Variants in PPM1L observed in about 807,000 individuals in gnomAD.
PPM1L encodes the protein protein phosphatase, Mg2+/Mn2+ dependent 1L.
A neutral mutation model predicts 31.4 loss-of-function variants in PPM1L; 13 were observed. The ratio of observed to expected loss-of-function variants is 0.41; its 90% CI spans 0.27 to 0.66. The LOEUF (loss-of-function observed/expected upper bound fraction) is 0.66. Ranked by LOEUF, PPM1L falls within the 30% of genes least tolerant of loss-of-function variation. The pLI is 0.29. For synonymous variants in PPM1L, 184 were observed against 175.4 expected (o/e 1.05, Z -0.39); for missense variants, 326 against 453.7 (o/e 0.72, Z 2.56).
chr3:161,020,155 T>A (rs1405114483), intron 2 of PPM1L, among the ~76,000 whole-genome samples: 1 of 150,798 alleles, frequency 6.6e-6, no homozygotes, highest in Non-Finnish European at 1.5e-5. Flanking sequence ...GTACTAAGCC[T>A]AGAAAAAACA....
At chr3:161,062,446 A>G (rs910636809) in intron 2 of PPM1L, among the ~76,000 whole-genome samples, 16 of 152,218 alleles carry the variant, frequency 1.1e-4, no homozygotes, top group African/African-American at 3.6e-4. Context: ...ACAAAATAAA[A>G]AATAAGAACC....
At position 160,842,236 on chromosome 3, in the gene PPM1L, G is replaced by A. The variant is rs145274546; in HGVS notation, c.399+85529G>A. 1.1e-3 allele frequency: 804 copies of A among 702,114 alleles called. 10 individuals are homozygous for A. The Admixed American group carries it at 0.015, about 13-fold the overall frequency. The allele number at this position is 702,114 out of a possible 1,614,324, so 43.5% of individuals were successfully genotyped here. A position where few individuals can be genotyped will look rare whatever the true frequency, so the allele number is the denominator to read the frequency against. On this transcript the variant is annotated intron_variant, in intron 1 of 3. Transcript: ENST00000498165. Reference sequence around the variant, plus strand: ...TCATGCAGGTGGAAGAGGGTAGGAGGGATGCTGGTGCCATTAGCAGAGAGG... The same window carrying A: ...TCATGCAGGTGGAAGAGGGTAGGAGAGATGCTGGTGCCATTAGCAGAGAGG...
At chr3:161,018,748 AT>A (rs1158301162) in intron 2 of PPM1L, among the ~76,000 whole-genome samples, 2 of 152,240 alleles carry the variant, frequency 1.3e-5, no homozygotes, top group African/African-American at 4.8e-5. Context: ...GAGAAAACAA[AT>A]TAACCATCTT....
intron 1 of PPM1L, among the ~76,000 whole-genome samples, chr3:160,801,093 C>G (rs1712411804): frequency 6.6e-6 from 1 of 150,682 alleles, no homozygotes; most frequent in Non-Finnish European, 1.5e-5. Flanking sequence ...TATTTTTCAA[C>G]AGGGGAATGG....
At chr3:160,989,204 CTT>C (rs1407515187) in intron 2 of PPM1L, among the ~76,000 whole-genome samples, 4 of 152,074 alleles carry the variant, frequency 2.6e-5, no homozygotes, top group Admixed American at 1.3e-4. Context: ...CATTTCTCCT[CTT>C]TTAATTTTTA....
chr3:160,928,270 T>G (rs745837052), intron 1 of PPM1L, among the ~76,000 whole-genome samples: 1 of 152,186 alleles, frequency 6.6e-6, no homozygotes, highest in Non-Finnish European at 1.5e-5. Flanking sequence ...GTTCAAGTAT[T>G]TAATCTGCCT....
chr3:160,937,493 G>A (rs996073430), intron 1 of PPM1L, among the ~76,000 whole-genome samples: 1 of 152,064 alleles, frequency 6.6e-6, no homozygotes, highest in Admixed American at 6.5e-5. Context: ...GGTGGTGGGC[G>A]CCTGTAGTCC....
rs116510243 is a variant in PPM1L, at chr3:160,984,832, G to A, written c.574+22922G>A. ...CAAGCAGTGGTTCTCTACCAGAGGC[G>A]ATATCTACCTCCACCCCCATGGGAC... On this transcript the variant is annotated intron_variant, in intron 2 of 3. Transcript: ENST00000498165. Among the ~76,000 whole-genome samples the A allele has an allele frequency of 9.2e-3, 1,405 of 152,240 alleles. 22 individuals are homozygous for A. The highest frequency in any genetic ancestry group is 0.031 in the African/African-American group (1,279 of 41,534).
chr3:160,787,745 G>T (rs887354216), intron 1 of PPM1L, among the ~76,000 whole-genome samples: 1 of 152,138 alleles, frequency 6.6e-6, no homozygotes, highest in African/African-American at 2.4e-5. Flanking sequence ...TTACATTTAA[G>T]TCCTTAATCT....
chr3:161,068,990 G>A lies in PPM1L; in HGVS notation c.916G>A (p.Asp306Asn). Reference sequence around the variant, plus strand: ...GATCTTGGCATCAGATGGTCTCTGGGATGCTTTCAGCAATGAAGAAGCAGT... The same window carrying A: ...GATCTTGGCATCAGATGGTCTCTGGAATGCTTTCAGCAATGAAGAAGCAGT... ...FMILASDGLW[D>N]AFSNEEAVRF... is the part of the protein sequence containing the mutation. Residue 306 changes from aspartate to asparagine, a missense_variant, in exon 4 of 4, where the codon GAT becomes AAT. Asp to Asn is a conservative substitution (Grantham distance 23). Coordinates refer to ENST00000498165, the MANE Select transcript of PPM1L (RefSeq NM_139245.4). 6.2e-7 allele frequency: 1 copy of A among 1,614,188 alleles called. No individual in the cohort carries two copies. The highest frequency in any genetic ancestry group is 8.5e-7 in the Non-Finnish European group (1 of 1,180,040).
At chr3:161,063,118 G>A (rs984827877) in intron 2 of PPM1L, among the ~76,000 whole-genome samples, 8 of 152,080 alleles carry the variant, frequency 5.3e-5, no homozygotes, top group African/African-American at 1.9e-4. Context: ...CCTTATAGGA[G>A]AATTTATGCT....
chr3:160,924,344 T>C (rs1333996448), intron 1 of PPM1L, among the ~76,000 whole-genome samples: 1 of 152,190 alleles, frequency 6.6e-6, no homozygotes, highest in African/African-American at 2.4e-5. Flanking sequence ...TAGTTAAATA[T>C]TGTATTGGAT....
chr3:160,837,790 C>T (rs1486788312), intron 1 of PPM1L, among the ~76,000 whole-genome samples: 5 of 152,148 alleles, frequency 3.3e-5, no homozygotes, highest in Admixed American at 6.5e-5. Context: ...GGGCTAGCTT[C>T]GTGGTCATGT....
intron 1 of PPM1L, among the ~76,000 whole-genome samples, chr3:160,764,540 C>T (rs190130196): frequency 1.8e-3 from 274 of 151,254 alleles, no homozygotes; most frequent in African/African-American, 6.5e-3. Flanking sequence ...GATCTAGGCT[C>T]GCTGCAAACT....
chr3:160,762,602 A>G (rs943464154), intron 1 of PPM1L, among the ~76,000 whole-genome samples: 20 of 152,196 alleles, frequency 1.3e-4, no homozygotes, highest in African/African-American at 4.6e-4. Flanking sequence ...CCTGCCACCT[A>G]CAAGTGTGTG....
Position 161,071,838 on chromosome 3 carries a change from G to A in PPM1L, c.*2681G>A, listed in dbSNP as rs1443340417. On this transcript the variant is annotated 3_prime_UTR_variant, in exon 4 of 4. Transcript: ENST00000498165. ...TGGGAATGCTGAATCTAGCCATTAG[G>A]GAAATTGATTTGAGATGTTTGCATG... The A allele has an allele frequency of 6.6e-6, 1 of 152,162 alleles. No individual in the cohort carries two copies. The highest frequency in any genetic ancestry group is 2.4e-5 in the African/African-American group (1 of 41,442). The allele number at this position is 152,162 out of a possible 1,614,324, so 9.4% of individuals were successfully genotyped here. A position where few individuals can be genotyped will look rare whatever the true frequency, so the allele number is the denominator to read the frequency against.
intron 1 of PPM1L, among the ~76,000 whole-genome samples, chr3:160,792,422 A>G (rs1712132756): frequency 6.6e-6 from 1 of 152,200 alleles, no homozygotes; most frequent in South Asian, 2.1e-4. Flanking sequence ...TTTTAATTTT[A>G]GAATGGTTTT....
In PPM1L at chr3:160,982,189, T is replaced by G. The variant is rs550970965; in HGVS notation, c.574+20279T>G. ...TCAGCATCCTTTCCAGTAATCACAG[T>G]GTACATTTCATCTCTCCAGGGTCAA... On this transcript the variant is annotated intron_variant, in intron 2 of 3. Transcript: ENST00000498165. 3.9e-5 allele frequency among the ~76,000 whole-genome samples: 6 copies of G among 152,346 alleles called. No homozygotes were observed. In the South Asian group the frequency reaches 6.2e-4, roughly 16 times the overall value.
chr3:160,794,896 G>A (rs1328992539), intron 1 of PPM1L, among the ~76,000 whole-genome samples: 1 of 152,216 alleles, frequency 6.6e-6, no homozygotes, highest in African/African-American at 2.4e-5. Flanking sequence ...GGTTGGACAA[G>A]CTTGCTTTAG....
Sources: allele counts gnomAD v4.1 joint callset (sites outside exome capture counted in the v4.1 genomes callset), GRCh38; gene constraint gnomAD v4.1.1; transcripts MANE v1.5; gene names NCBI Gene and HGNC (gene_info 2026-07-23, HGNC 2026-07-21).